Variants in BOLA3 observed in about 807,000 individuals in gnomAD.
BOLA3 encodes bolA-like protein 3.
A neutral mutation model predicts 14.5 loss-of-function variants in BOLA3; 8 were observed. That is an observed-to-expected ratio of 0.55 (90% CI 0.32 to 0.99). The LOEUF (loss-of-function observed/expected upper bound fraction) is 0.99. Ranked by LOEUF, BOLA3 falls within the 50% of genes least tolerant of loss-of-function variation. BOLA3 has a pLI of 0.04. For synonymous variants in BOLA3, 42 were observed against 45.7 expected (o/e 0.92, Z 0.33); for missense variants, 115 against 138.2 (o/e 0.83, Z 0.84).
chr2:74,142,736 G>A (rs1215630404), intron 2 of BOLA3, among the ~76,000 whole-genome samples: 2 of 152,194 alleles, frequency 1.3e-5, no homozygotes, highest in East Asian at 3.9e-4. Context: ...GCTTCCAAAG[G>A]ACCAACAATC....
At chr2:74,139,154 C>A (rs566634675) in intron 3 of BOLA3, among the ~76,000 whole-genome samples, 35 of 152,250 alleles carry the variant, frequency 2.3e-4, no homozygotes, top group African/African-American at 8.2e-4. Context: ...GGGGGCGCCC[C>A]CTCCAGGGAA....
At chr2:74,137,953 C>T (rs553715674) in intron 3 of BOLA3, among the ~76,000 whole-genome samples, 1 of 152,362 alleles carries the variant, frequency 6.6e-6, no homozygotes, top group South Asian at 2.1e-4. Flanking sequence ...GCCTCTCCTC[C>T]TTACATCCAC....
At chr2:74,138,226 A>G (rs1268467200) in intron 3 of BOLA3, among the ~76,000 whole-genome samples, 1 of 152,252 alleles carries the variant, frequency 6.6e-6, no homozygotes, top group Non-Finnish European at 1.5e-5. Context: ...CCCATGGGTA[A>G]TAAGATGCAG....
chr2:74,137,566 G>C (rs968129344), intron 3 of BOLA3, among the ~76,000 whole-genome samples: 32 of 151,534 alleles, frequency 2.1e-4, no homozygotes, highest in African/African-American at 7.8e-4. Context: ...ACACAATCTA[G>C]TCCCATCCCC....
At chr2:74,139,832 G>T (rs1692405291) in intron 3 of BOLA3, among the ~76,000 whole-genome samples, 1 of 152,192 alleles carries the variant, frequency 6.6e-6, no homozygotes, top group African/African-American at 2.4e-5. Context: ...GGGCAGAGGA[G>T]AGGCCTCTAG....
chr2:74,147,768 C>A, intron 1 of BOLA3, 53 bp downstream of exon 1: 1 of 1,522,788 alleles, frequency 6.6e-7, no homozygotes, highest in Non-Finnish European at 8.8e-7. Flanking sequence ...GCCCCGCGGT[C>A]CCTCCGCAGC....
chr2:74,144,390 A>G (rs1251075447), intron 2 of BOLA3, among the ~76,000 whole-genome samples: 1 of 152,188 alleles, frequency 6.6e-6, no homozygotes, highest in Non-Finnish European at 1.5e-5. Context: ...ATCCTTGGAA[A>G]TGTTATGTTC....
At chr2:74,138,948 C>G (rs1425463568) in intron 3 of BOLA3, among the ~76,000 whole-genome samples, 3 of 152,218 alleles carry the variant, frequency 2.0e-5, no homozygotes. Context: ...TGACACCTCC[C>G]CAGGATGGCA....
At chr2:74,147,162 TG>T (rs1307668897) in intron 1 of BOLA3, 1 of 152,468 alleles carries the variant, frequency 6.6e-6, no homozygotes, top group East Asian at 1.9e-4. Context: ...CGGCCTTTAG[TG>T]GAACAATCAA....
rs566701167 is a variant in BOLA3, at chr2:74,139,784, C to G, written c.258+2488G>C. ...GACATCCAGTGTGGAGCTGCATGAC[C>G]CCCCCAAGTCCTGAGCCAGAAGGGC... is the stretch of plus-strand genomic sequence containing the variant. On this transcript the variant is annotated intron_variant, in intron 3 of 3. Transcript: ENST00000327428. Among the ~76,000 whole-genome samples the G allele has an allele frequency of 3.3e-5, 5 of 152,282 alleles. No homozygotes were observed. The East Asian group carries it at 9.7e-4, about 29-fold the overall frequency.
Position 74,141,522 on chromosome 2 carries a change from C to T in BOLA3, c.258+750G>A, listed in dbSNP as rs182837522. Among the ~76,000 whole-genome samples the T allele has an allele frequency of 3.3e-3, 504 of 151,936 alleles. 1 individual carries two copies. Among genetic ancestry groups the T allele is most frequent in the African/African-American group, 0.011 (459 of 41,420 alleles). ...CCAGATAGAGAAAGAGAGAGACCAG[C>T]GGGCAGAGGCCGGCTGGGAGGGTGC... On this transcript the variant is annotated intron_variant, in intron 3 of 3. Coordinates refer to ENST00000327428, the MANE Select transcript of BOLA3 (RefSeq NM_212552.3).
At chr2:74,137,419 G>A (rs58422874) in intron 3 of BOLA3, among the ~76,000 whole-genome samples, 6,108 of 152,294 alleles carry the variant, frequency 0.04, 392 homozygotes, top group African/African-American at 0.14. Context: ...GAGGAATCTA[G>A]ATATGCCAGA....
At position 74,144,459 on chromosome 2, in the gene BOLA3, T is replaced by C. The variant is rs529584591; in HGVS notation, c.169+730A>G. Among the ~76,000 whole-genome samples, 4 of 152,378 alleles carry C rather than the reference T, an allele frequency of 2.6e-5. No individual in the cohort carries two copies. The South Asian group carries it at 8.3e-4, about 32-fold the overall frequency. On this transcript the variant is annotated intron_variant, in intron 2 of 3. Transcript: ENST00000327428. Reference sequence around the variant, plus strand: ...GAGTGGCAAAGGCTGCCTCTGGGTATGGAGAGATTCAGACTGATGCCTATC... The same window carrying C: ...GAGTGGCAAAGGCTGCCTCTGGGTACGGAGAGATTCAGACTGATGCCTATC...
intron 3 of BOLA3, among the ~76,000 whole-genome samples, chr2:74,135,976 G>T (rs1256769653): frequency 1.4e-5 from 2 of 141,252 alleles, no homozygotes; most frequent in Admixed American, 1.5e-4. Flanking sequence ...TTAAGTCATG[G>T]TCTCGCTCTA....
intron 3 of BOLA3, among the ~76,000 whole-genome samples, chr2:74,139,882 C>A (rs1012259891): frequency 6.6e-6 from 1 of 152,134 alleles, no homozygotes; most frequent in Admixed American, 6.5e-5. Flanking sequence ...CAGTGGCTCA[C>A]GCCTGTAATC....
Position 74,135,597 on chromosome 2 carries a change from C to A in BOLA3, c.320G>T (p.Arg107Leu). The A allele has an allele frequency of 6.2e-7, 1 of 1,614,074 alleles. No homozygotes were observed. Among genetic ancestry groups the A allele is most frequent in the Non-Finnish European group, 8.5e-7 (1 of 1,179,978 alleles). The change falls in exon 4 of 4, where the codon CGC (arginine) becomes CTC (leucine). Residue 107 changes from arginine (R) to leucine (L), a missense_variant. Arg to Leu is a moderately radical substitution (Grantham distance 102). Coordinates refer to ENST00000327428, the MANE Select transcript of BOLA3 (RefSeq NM_212552.3). Reference protein sequence around the residue: ...GLRIFTSVPKR With the variant: ...GLRIFTSVPKL The stretch of plus-strand genomic sequence containing the variant: ...ATCTATGCAGCCAGGGCGTGGTCAG[C>A]GTTTGGGGACAGAGGTAAATATCCG...
Position 74,135,469 on chromosome 2 carries a change from A to G in BOLA3, c.*124T>C. 6 of 1,375,186 alleles carry G rather than the reference A, an allele frequency of 4.4e-6. No individual in the cohort carries two copies. Among genetic ancestry groups the G allele is most frequent in the Non-Finnish European group, 6.2e-6 (6 of 968,834 alleles). 85.2% of individuals were successfully genotyped at this position (1,375,186 alleles called of 1,614,324 possible). A position where few individuals can be genotyped will look rare whatever the true frequency, so the allele number is the denominator to read the frequency against. ...CTAAATAGATTATACATCTTCTATAATTATAATATGGAAATGTATATGAGC... is the reference window on the plus strand; with the variant it reads ...CTAAATAGATTATACATCTTCTATAGTTATAATATGGAAATGTATATGAGC... On this transcript the variant is annotated 3_prime_UTR_variant, in exon 4 of 4. Coordinates refer to ENST00000327428, the MANE Select transcript of BOLA3 (RefSeq NM_212552.3).
rs1442898939 is a variant in BOLA3, at chr2:74,145,346, T to G, written c.55-43A>C. 2.5e-6 allele frequency: 3 copies of G among 1,208,286 alleles called. No homozygotes were observed. In the East Asian group the frequency reaches 7.0e-5, roughly 28 times the overall value. 74.8% of individuals were successfully genotyped at this position (1,208,286 alleles called of 1,614,324 possible). A position where few individuals can be genotyped will look rare whatever the true frequency, so the allele number is the denominator to read the frequency against. On this transcript the variant is annotated intron_variant, in intron 1 of 3. Coordinates refer to ENST00000327428, the MANE Select transcript of BOLA3 (RefSeq NM_212552.3). ...GGAAGGTCAGGGCAGAGGAAGATGC[T>G]GTTGCCCCTGAGCTGGGCCACTGTG...
Position 74,135,947 on chromosome 2 carries a change from TC to T in BOLA3, c.259-290del, listed in dbSNP as rs1410432640. On this transcript the variant is annotated intron_variant, in intron 3 of 3. Transcript: ENST00000327428. ...AGAACTGTTGTTAGTTTCTTGTGTA[TC>T]TTTTTTTTTTTTTTTTTTTAAGTCA... Among the ~76,000 whole-genome samples, 3 of 129,660 alleles carry T rather than the reference TC, an allele frequency of 2.3e-5. No homozygotes were observed. The East Asian group carries it at 8.7e-4, about 38-fold the overall frequency. The allele number at this position is 129,660 out of a possible 152,430, so 85.1% of individuals were successfully genotyped here.
Sources: gnomAD v4.1 joint callset for allele counts (sites outside exome capture counted in the v4.1 genomes callset) on GRCh38, gnomAD v4.1.1 for gene constraint, MANE v1.5 for transcripts, NCBI Gene and HGNC (gene_info 2026-07-23, HGNC 2026-07-21) for gene names.